ITFG1: variants seen among roughly 807,000 people sequenced by gnomAD.
ITFG1 encodes integrin alpha FG-GAP repeat containing 1.
In ITFG1, 34 loss-of-function variants were observed where a neutral mutation model predicts 81.8. The ratio of observed to expected loss-of-function variants is 0.42; its 90% CI spans 0.32 to 0.55. The LOEUF (loss-of-function observed/expected upper bound fraction) is 0.55, where lower values mean the gene tolerates loss of function less well. ITFG1 is among the 20% of genes least tolerant of loss of function. The pLI is 0.17. For synonymous variants in ITFG1, 285 were observed against 270.6 expected (o/e 1.05, Z -0.52); for missense variants, 672 against 755.4 (o/e 0.89, Z 1.29).
At position 47,227,101 on chromosome 16, in the gene ITFG1, A is replaced by G. The variant is rs1247186270; in HGVS notation, c.1375-8155T>C. Among the ~76,000 whole-genome samples the G allele has an allele frequency of 2.6e-5, 4 of 152,214 alleles. No individual in the cohort carries two copies. The East Asian group carries it at 7.7e-4, about 29-fold the overall frequency. On this transcript the variant is annotated intron_variant, in intron 13 of 17. Transcript: ENST00000320640. ...AATTTCCTTTCTCAACTGAAATGATACAACTGATACCTGGGCCTATAGGTC... is the reference window on the plus strand; with the variant it reads ...AATTTCCTTTCTCAACTGAAATGATGCAACTGATACCTGGGCCTATAGGTC...
chr16:47,300,679 T>C (rs1443682974), intron 10 of ITFG1, among the ~76,000 whole-genome samples: 1 of 152,214 alleles, frequency 6.6e-6, no homozygotes, highest in Non-Finnish European at 1.5e-5. Context: ...TCTTATAATA[T>C]ACCTTAAAAT....
chr16:47,381,829 T>C (rs918816250), intron 6 of ITFG1, among the ~76,000 whole-genome samples: 2 of 152,210 alleles, frequency 1.3e-5, no homozygotes, highest in African/African-American at 4.8e-5. Flanking sequence ...GCAGTTTAAT[T>C]GCATTCTGTA....
intron 2 of ITFG1, among the ~76,000 whole-genome samples, chr16:47,454,874 T>C (rs1969432806): frequency 6.6e-6 from 1 of 152,226 alleles, no homozygotes; most frequent in Non-Finnish European, 1.5e-5. Context: ...TAATTCATTT[T>C]ATACTTAATT....
At chr16:47,209,462 T>C (rs1965539811) in intron 14 of ITFG1, among the ~76,000 whole-genome samples, 1 of 152,204 alleles carries the variant, frequency 6.6e-6, no homozygotes, top group South Asian at 2.1e-4. Flanking sequence ...ACCACAGATC[T>C]TACAGTGATT....
intron 7 of ITFG1, among the ~76,000 whole-genome samples, chr16:47,368,340 T>C (rs1272526917): frequency 6.7e-6 from 1 of 150,316 alleles, no homozygotes; most frequent in Non-Finnish European, 1.5e-5. Context: ...TCACTTGAGG[T>C]TAGGAGATCA....
intron 13 of ITFG1, among the ~76,000 whole-genome samples, chr16:47,236,955 T>C (rs541329869): frequency 6.6e-6 from 1 of 152,298 alleles, no homozygotes; most frequent in African/African-American, 2.4e-5. Context: ...GTTAACACTT[T>C]CCTGGCGGCC....
At chr16:47,156,284 C>T (rs1481264226) in intron 17 of ITFG1, among the ~76,000 whole-genome samples, 2 of 151,982 alleles carry the variant, frequency 1.3e-5, no homozygotes, top group Non-Finnish European at 2.9e-5. Flanking sequence ...CAAAAAAATA[C>T]AAAAATTAGC....
chr16:47,268,934 A>C (rs1368638079), intron 10 of ITFG1, among the ~76,000 whole-genome samples: 1 of 152,266 alleles, frequency 6.6e-6, no homozygotes, highest in African/African-American at 2.4e-5. Flanking sequence ...TAAAAGGCAG[A>C]AAAAGGATCT....
intron 8 of ITFG1, among the ~76,000 whole-genome samples, chr16:47,342,468 C>A (rs1455601010): frequency 6.6e-6 from 1 of 152,088 alleles, no homozygotes; most frequent in Non-Finnish European, 1.5e-5. Flanking sequence ...ACTTTAAGCA[C>A]TGCTATTCAA....
At chr16:47,258,173 T>C (rs914027829) in intron 12 of ITFG1, among the ~76,000 whole-genome samples, 2 of 152,184 alleles carry the variant, frequency 1.3e-5, no homozygotes, top group African/African-American at 4.8e-5. Flanking sequence ...GTAGGACAGG[T>C]GAACATCATG....
chr16:47,301,414 T>A (rs1316908615), intron 10 of ITFG1, among the ~76,000 whole-genome samples: 1 of 151,912 alleles, frequency 6.6e-6, no homozygotes, highest in Non-Finnish European at 1.5e-5. Flanking sequence ...TTCTTCTTTT[T>A]TTTTTTTTGA....
In ITFG1 at chr16:47,246,157, T is replaced by C. The variant is rs796922726; in HGVS notation, c.1331-8149A>G. Among the ~76,000 whole-genome samples, 103 of 152,336 alleles carry C rather than the reference T, an allele frequency of 6.8e-4. 1 individual carries two copies. The highest frequency in any genetic ancestry group is 2.4e-3 in the African/African-American group (98 of 41,580). On this transcript the variant is annotated intron_variant, in intron 12 of 17. Coordinates refer to ENST00000320640, the MANE Select transcript of ITFG1 (RefSeq NM_030790.5). ...TCATGTAATAGTTTCTTCCATTTTG[T>C]GTACAATAAGCTAAAAACTTGGTTC...
At chr16:47,439,824 C>G (rs1372958348) in intron 5 of ITFG1, among the ~76,000 whole-genome samples, 1 of 152,164 alleles carries the variant, frequency 6.6e-6, no homozygotes, top group East Asian at 1.9e-4. Context: ...GGATAAAATT[C>G]ACACATAACA....
At chr16:47,264,559 C>CACACAA (rs1966252713) in intron 10 of ITFG1, among the ~76,000 whole-genome samples, 1 of 147,636 alleles carries the variant, frequency 6.8e-6, no homozygotes, top group Non-Finnish European at 1.5e-5. Context: ...CACACACACA[C>CACACAA]ACACACACAC....
At chr16:47,237,942 A>G (rs762051584) in intron 13 of ITFG1, 23 bp downstream of exon 13, 2 of 1,074,178 alleles carry the variant, frequency 1.9e-6, no homozygotes, top group South Asian at 1.4e-5. Flanking sequence ...AGACATATTT[A>G]TAACAGATAT....
At chr16:47,321,088 G>T (rs1967441479) in intron 8 of ITFG1, among the ~76,000 whole-genome samples, 1 of 152,148 alleles carries the variant, frequency 6.6e-6, no homozygotes, top group Non-Finnish European at 1.5e-5. Context: ...GCTAACACAG[G>T]GAATAAGTCA....
At chr16:47,380,331 T>C (rs762734627) in intron 6 of ITFG1, among the ~76,000 whole-genome samples, 2 of 152,300 alleles carry the variant, frequency 1.3e-5, no homozygotes, top group Non-Finnish European at 2.9e-5. Context: ...CTAGTCTCCT[T>C]TCCTGTTTGA....
At chr16:47,304,573 T>C (rs574948964) in intron 10 of ITFG1, among the ~76,000 whole-genome samples, 8 of 152,248 alleles carry the variant, frequency 5.3e-5, no homozygotes, top group Non-Finnish European at 1.2e-4. Context: ...ATAAATGTTG[T>C]CTGTACATTT....
intron 13 of ITFG1, among the ~76,000 whole-genome samples, chr16:47,221,468 C>T (rs943597864): frequency 3.9e-5 from 6 of 152,168 alleles, no homozygotes; most frequent in Admixed American, 1.3e-4. Context: ...TTTTGATGTG[C>T]TGCTGGATTC....
Sources: allele counts gnomAD v4.1 joint callset (sites outside exome capture counted in the v4.1 genomes callset), GRCh38; gene constraint gnomAD v4.1.1; transcripts MANE v1.5; gene names NCBI Gene and HGNC (gene_info 2026-07-23, HGNC 2026-07-21).